KCND2: variants seen among roughly 807,000 people sequenced by gnomAD.
The protein encoded by KCND2 is potassium voltage-gated channel subfamily D member 2, also known as A-type voltage-gated potassium channel KCND2.
In KCND2, 16 loss-of-function variants were observed where a neutral mutation model predicts 54.4. The ratio of observed to expected loss-of-function variants is 0.29; its 90% CI spans 0.20 to 0.45. KCND2 has a LOEUF of 0.45. Among genes scored for constraint, KCND2 ranks in the 20% least tolerant of loss-of-function variants. The pLI is 1.00. For synonymous variants in KCND2, 317 were observed against 310.7 expected, an observed-to-expected ratio of 1.02 and a Z score of -0.21; for missense variants, 486 against 824.2, an observed-to-expected ratio of 0.59 and a Z score of 5.02.
chr7:120,605,417 A>G (rs1005121479), intron 1 of KCND2, among the ~76,000 whole-genome samples: 1 of 152,242 alleles, frequency 6.6e-6, no homozygotes, highest in Non-Finnish European at 1.5e-5. Flanking sequence ...TCAGTGATAC[A>G]GATTAATAAT....
At chr7:120,535,909 TG>T (rs1235465504) in intron 1 of KCND2, among the ~76,000 whole-genome samples, 1 of 152,030 alleles carries the variant, frequency 6.6e-6, no homozygotes, top group Non-Finnish European at 1.5e-5. Flanking sequence ...ATGTGTGTTG[TG>T]GGGGTAGGCA....
chr7:120,316,676 C>T (rs191619765), intron 1 of KCND2, among the ~76,000 whole-genome samples: 177 of 152,082 alleles, frequency 1.2e-3, no homozygotes, highest in African/African-American at 3.6e-3. Context: ...ATTCTGATTA[C>T]GATGAAAAAA....
intron 1 of KCND2, among the ~76,000 whole-genome samples, chr7:120,671,504 G>C (rs1791993371): frequency 3.3e-5 from 5 of 151,962 alleles, no homozygotes; most frequent in South Asian, 2.1e-4. Flanking sequence ...CTGGATACAG[G>C]AGCCACTCAG....
chr7:120,451,083 C>T (rs1470320235), intron 1 of KCND2, among the ~76,000 whole-genome samples: 1 of 152,176 alleles, frequency 6.6e-6, no homozygotes, highest in East Asian at 1.9e-4. Context: ...CATCACCTAC[C>T]CTCTTACCCA....
intron 1 of KCND2, among the ~76,000 whole-genome samples, chr7:120,585,823 CT>C (rs1792593011): frequency 6.6e-6 from 1 of 152,092 alleles, no homozygotes; most frequent in African/African-American, 2.4e-5. Flanking sequence ...AATCTTAATC[CT>C]GTAAATGATC....
At chr7:120,680,547 T>C (rs1333389786) in intron 1 of KCND2, among the ~76,000 whole-genome samples, 2 of 152,142 alleles carry the variant, frequency 1.3e-5, no homozygotes, top group African/African-American at 4.8e-5. Context: ...ATAAATGGGA[T>C]CTTTGATCAG....
In KCND2 at chr7:120,273,203, GTTAT is replaced by G. The variant is rs565537905; in HGVS notation, c.-1419_-1416del. On this transcript the variant is annotated 5_prime_UTR_variant, in exon 1 of 6. Transcript: ENST00000331113. ...ACCTGCGTGGCGGGGCGTGCGCGCG[GTTAT>G]TTATTTATTTTCTCCTTATTTATTG... Among the ~76,000 whole-genome samples, 4 of 152,226 alleles carry G rather than the reference GTTAT, an allele frequency of 2.6e-5. No individual in the cohort carries two copies. Among genetic ancestry groups the G allele is most frequent in the East Asian group, 1.9e-4 (1 of 5,170 alleles).
chr7:120,284,629 T>G (rs1164738681), intron 1 of KCND2, among the ~76,000 whole-genome samples: 1 of 152,186 alleles, frequency 6.6e-6, no homozygotes, highest in Admixed American at 6.5e-5. Context: ...TTTGACTTGC[T>G]AGGCTCGTTA....
At chr7:120,377,165 C>G (rs940226616) in intron 1 of KCND2, among the ~76,000 whole-genome samples, 3 of 151,868 alleles carry the variant, frequency 2.0e-5, no homozygotes, top group African/African-American at 7.3e-5. Context: ...TTTTGTCCTT[C>G]TAAAGCTGAA....
intron 1 of KCND2, among the ~76,000 whole-genome samples, chr7:120,440,314 T>A (rs186996195): frequency 2.0e-5 from 3 of 152,182 alleles, no homozygotes; most frequent in African/African-American, 7.2e-5. Flanking sequence ...TTCATATATT[T>A]TGCTTTTTAA....
chr7:120,641,337 A>C (rs1224604570), intron 1 of KCND2, among the ~76,000 whole-genome samples: 1 of 152,080 alleles, frequency 6.6e-6, no homozygotes, highest in Non-Finnish European at 1.5e-5. Flanking sequence ...GGCTATTTTA[A>C]AAGGCCCTGT....
At chr7:120,330,849 G>A (rs1347089146) in intron 1 of KCND2, among the ~76,000 whole-genome samples, 1 of 151,968 alleles carries the variant, frequency 6.6e-6, no homozygotes, top group East Asian at 1.9e-4. Context: ...AAAATGCATG[G>A]TGCTTTCAAG....
intron 1 of KCND2, among the ~76,000 whole-genome samples, chr7:120,715,002 G>A (rs1303453574): frequency 6.6e-6 from 1 of 152,050 alleles, no homozygotes; most frequent in African/African-American, 2.4e-5. Flanking sequence ...TAAAGATAGT[G>A]TAGACCAAAT....
intron 1 of KCND2, among the ~76,000 whole-genome samples, chr7:120,500,652 C>A (rs1004838419): frequency 1.3e-5 from 2 of 151,880 alleles, no homozygotes; most frequent in East Asian, 3.9e-4. Flanking sequence ...ACAATAACAA[C>A]AGCAAAATTA....
chr7:120,581,490 T>C (rs1480800043), intron 1 of KCND2, among the ~76,000 whole-genome samples: 1 of 152,178 alleles, frequency 6.6e-6, no homozygotes, highest in Non-Finnish European at 1.5e-5. Context: ...TAAATCCTGA[T>C]GAAGTCCTAA....
At chr7:120,727,022 AGT>A (rs1161887710) in intron 1 of KCND2, among the ~76,000 whole-genome samples, 1 of 152,142 alleles carries the variant, frequency 6.6e-6, no homozygotes, top group Non-Finnish European at 1.5e-5. Context: ...TTTATCTTTT[AGT>A]GTGTGTGGGA....
At chr7:120,678,656 A>G (rs1483892229) in intron 1 of KCND2, among the ~76,000 whole-genome samples, 1 of 147,476 alleles carries the variant, frequency 6.8e-6, no homozygotes, top group East Asian at 2.0e-4. Flanking sequence ...ATATACACAT[A>G]CACACACATA....
At chr7:120,530,558 A>T (rs1791831639) in intron 1 of KCND2, among the ~76,000 whole-genome samples, 1 of 152,160 alleles carries the variant, frequency 6.6e-6, no homozygotes, top group Non-Finnish European at 1.5e-5. Context: ...GTAGCTCATG[A>T]ATATCTTCCA....
chr7:120,334,322 C>T (rs1430821880), intron 1 of KCND2, among the ~76,000 whole-genome samples: 1 of 152,190 alleles, frequency 6.6e-6, no homozygotes, highest in Non-Finnish European at 1.5e-5. Flanking sequence ...ACTAACACAA[C>T]TCGATGATGG....
Sources: allele counts gnomAD v4.1 joint callset (sites outside exome capture counted in the v4.1 genomes callset), GRCh38; gene constraint gnomAD v4.1.1; transcripts MANE v1.5; gene names NCBI Gene and HGNC (gene_info 2026-07-23, HGNC 2026-07-21).